FAM149B1: variants seen among roughly 807,000 people sequenced by gnomAD.
FAM149B1 encodes primary cilium assembly protein FAM149B1.
FAM149B1 carries 56 observed loss-of-function variants against 75.3 expected under a neutral mutation model. That is an observed-to-expected ratio of 0.74 (90% CI 0.60 to 0.93). FAM149B1 has a LOEUF of 0.93. Ranked by LOEUF, FAM149B1 falls within the 40% of genes least tolerant of loss-of-function variation. The pLI is 0.00. For missense variants in FAM149B1, 639 were observed against 708.4 expected (o/e 0.90, Z 1.11); for synonymous variants, 259 against 256.1 (o/e 1.01, Z -0.11).
intron 3 of FAM149B1, among the ~76,000 whole-genome samples, chr10:73,184,412 T>G (rs191447502): frequency 1.3e-5 from 2 of 152,236 alleles, no homozygotes; most frequent in Non-Finnish European, 1.5e-5. Context: ...TCAATACTTG[T>G]AGACCACCTA....
intron 5 of FAM149B1, among the ~76,000 whole-genome samples, chr10:73,204,378 G>C (rs1428302274): frequency 6.6e-6 from 1 of 152,016 alleles, no homozygotes; most frequent in Non-Finnish European, 1.5e-5. Context: ...GCCTGCCTCA[G>C]CCTCCCAAAG....
chr10:73,175,215 A>C (rs1843896017), intron 2 of FAM149B1, among the ~76,000 whole-genome samples: 1 of 152,060 alleles, frequency 6.6e-6, no homozygotes, highest in Non-Finnish European at 1.5e-5. Context: ...AAATAAATAA[A>C]ATAACATAGC....
Position 73,242,316 on chromosome 10 carries a change from A to C in FAM149B1, c.*1297A>C, listed in dbSNP as rs1307626080. On this transcript the variant is annotated 3_prime_UTR_variant, in exon 14 of 14. Transcript: ENST00000242505. ...AAAAATTCCATATATTCTCATACCA[A>C]CTCATCTACATAGAAATGAAAATCT... The C allele has an allele frequency of 6.6e-6, 1 of 152,158 alleles. No homozygotes were observed. The highest frequency in any genetic ancestry group is 1.5e-5 in the Non-Finnish European group (1 of 68,028). The allele number at this position is 152,158 out of a possible 1,614,324, so 9.4% of individuals were successfully genotyped here.
chr10:73,206,604 G>C (rs1170891462), intron 5 of FAM149B1, among the ~76,000 whole-genome samples: 1 of 152,212 alleles, frequency 6.6e-6, no homozygotes, highest in Non-Finnish European at 1.5e-5. Flanking sequence ...GTTCTGTGGG[G>C]CAGACCCAGG....
Position 73,241,306 on chromosome 10 carries a change from C to T in FAM149B1, c.*287C>T, listed in dbSNP as rs2043947075. ...ACAGTGAATAATACCCAAATCACTGCTCATGTTATCTCTTAACAATGATCA... is the reference window on the plus strand; with the variant it reads ...ACAGTGAATAATACCCAAATCACTGTTCATGTTATCTCTTAACAATGATCA... On this transcript the variant is annotated 3_prime_UTR_variant, in exon 14 of 14. Transcript: ENST00000242505. The T allele has an allele frequency of 7.8e-6, 3 of 385,578 alleles. 1 individual carries two copies. Among genetic ancestry groups the T allele is most frequent in the South Asian group, 6.7e-5 (3 of 44,680 alleles). The allele number at this position is 385,578 out of a possible 1,614,324, so 23.9% of individuals were successfully genotyped here. A position where few individuals can be genotyped will look rare whatever the true frequency, so the allele number is the denominator to read the frequency against.
chr10:73,210,112 T>G (rs993921237), intron 6 of FAM149B1, 139 bp from the exon 7 acceptor site: 9 of 621,134 alleles, frequency 1.4e-5, no homozygotes, highest in Non-Finnish European at 2.6e-5. Context: ...TTATTACTTC[T>G]ATTTGGCCTT....
intron 1 of FAM149B1, among the ~76,000 whole-genome samples, chr10:73,172,598 G>C (rs557325210): frequency 3.7e-4 from 56 of 152,278 alleles, no homozygotes; most frequent in African/African-American, 1.3e-3. Flanking sequence ...GTTCCTGAAT[G>C]TATTTGACTA....
intron 4 of FAM149B1, 131 bp from the exon 5 acceptor site, chr10:73,193,346 C>T: frequency 1.4e-6 from 1 of 734,678 alleles, no homozygotes. Flanking sequence ...CACATTTTCT[C>T]ATTCTTAATC....
At chr10:73,185,063 C>T (rs555429392) in intron 3 of FAM149B1, among the ~76,000 whole-genome samples, 2 of 152,198 alleles carry the variant, frequency 1.3e-5, no homozygotes, top group South Asian at 2.1e-4. Flanking sequence ...CTCAACCCTA[C>T]AGAAAGTACT....
chr10:73,168,847 CT>C (rs1198594029), intron 1 of FAM149B1: 2 of 159,638 alleles, frequency 1.3e-5, no homozygotes, highest in Non-Finnish European at 2.8e-5. Context: ...GATCACACAG[CT>C]TGAAGGTGGT....
In FAM149B1 at chr10:73,234,848, T is replaced by G; in HGVS notation, c.1384T>G (p.Ser462Ala). Residue 462 changes from serine to alanine, a missense_variant, in exon 11 of 14, where the codon TCA becomes GCA. Transcript: ENST00000242505. ...GGCACCCGACTCGCTCTCCTCTCCCTCACCGACGCCCCTGAGTCGAAATAA... is the reference window on the plus strand; with the variant it reads ...GGCACCCGACTCGCTCTCCTCTCCCGCACCGACGCCCCTGAGTCGAAATAA... ...PVAPDSLSSPSPTPLSRNNLL... is the reference protein window; with the variant it reads ...PVAPDSLSSPAPTPLSRNNLL... 1 of 1,551,674 alleles carries G rather than the reference T, an allele frequency of 6.4e-7. No homozygotes were observed. The highest frequency in any genetic ancestry group is 1.2e-5 in the South Asian group (1 of 84,068).
chr10:73,168,442 C>T (rs1843548782), intron 1 of FAM149B1, 56 bp downstream of exon 1: 1 of 1,537,188 alleles, frequency 6.5e-7, no homozygotes, highest in African/African-American at 1.4e-5. Flanking sequence ...CTCTGGGGAC[C>T]CTCCTTGACC....
intron 8 of FAM149B1, among the ~76,000 whole-genome samples, chr10:73,229,022 T>G (rs2043622606): frequency 1.3e-5 from 2 of 152,170 alleles, no homozygotes; most frequent in Non-Finnish European, 2.9e-5. Flanking sequence ...TGTTTTTGTT[T>G]TTTAATATTT....
chr10:73,217,816 G>A (rs138242416), intron 7 of FAM149B1, among the ~76,000 whole-genome samples: 89 of 152,280 alleles, frequency 5.8e-4, no homozygotes, highest in Non-Finnish European at 9.4e-4. Context: ...TAGGAATCAT[G>A]CATGGGCCAC....
At position 73,168,336 on chromosome 10, in the gene FAM149B1, G is replaced by GAGGATGATC; in HGVS notation, c.-3_6dup. On this transcript the variant is annotated 5_prime_UTR_variant, in exon 1 of 14. In the 5' UTR this introduces an upstream ATG that the reference lacks. Transcript: ENST00000242505. ...GGAGGAGGAGGAGGAGGAGGAGGAG[G>GAGGATGATC]AGGATGATCTCCAGATACACTCGGA... 3 of 1,549,726 alleles carry GAGGATGATC rather than the reference G, an allele frequency of 1.9e-6. No individual in the cohort carries two copies. The highest frequency in any genetic ancestry group is 2.6e-6 in the Non-Finnish European group (3 of 1,146,772).
chr10:73,192,640 C>T lies in FAM149B1; in HGVS notation c.367C>T (p.His123Tyr), dbSNP rs1164593190. ...ELLYEQKLSVHTKSLQEECQQ... is the reference protein window; with the variant it reads ...ELLYEQKLSVYTKSLQEECQQ... ...CTTGTATGAGCAGAAGTTGAGTGTG[C>T]ATACCAAGAGTCTACAAGAAGAGTG... is the stretch of plus-strand genomic sequence containing the variant. The change falls in exon 4 of 14, where the codon CAT (histidine) becomes TAT (tyrosine). Residue 123 changes from histidine (H) to tyrosine (Y), a missense_variant. His to Tyr is a moderately conservative substitution (Grantham distance 83). Transcript: ENST00000242505. The T allele has an allele frequency of 6.4e-7, 1 of 1,551,464 alleles. No homozygotes were observed. The highest frequency in any genetic ancestry group is 1.2e-5 in the South Asian group (1 of 83,956).
intron 10 of FAM149B1, among the ~76,000 whole-genome samples, chr10:73,233,527 G>T (rs573704402): frequency 1.3e-5 from 2 of 152,096 alleles, no homozygotes; most frequent in East Asian, 3.9e-4. Flanking sequence ...GTTTTTAGTA[G>T]AGACAGGGGT....
chr10:73,177,809 TTC>T (rs1844037047), intron 2 of FAM149B1, 35 bp from the exon 3 acceptor site: 2 of 1,530,898 alleles, frequency 1.3e-6, no homozygotes, highest in African/African-American at 3.3e-5. Flanking sequence ...ATGAAAAATT[TTC>T]TTTTTTCTCT....
At chr10:73,179,579 A>AT (rs1438612892) in intron 3 of FAM149B1, among the ~76,000 whole-genome samples, 263 of 136,634 alleles carry the variant, frequency 1.9e-3, no homozygotes, top group Admixed American at 2.0e-3. Flanking sequence ...ACACCCTGCT[A>AT]TTTTTTTTTT....
Sources: allele counts gnomAD v4.1 joint callset (sites outside exome capture counted in the v4.1 genomes callset), GRCh38; gene constraint gnomAD v4.1.1; transcripts MANE v1.5; gene names NCBI Gene and HGNC (gene_info 2026-07-23, HGNC 2026-07-21).